The following PSD3 variants were observed in gnomAD, a reference collection of about 807,000 sequenced individuals.
PSD3 encodes PH and SEC7 domain-containing protein 3.
In PSD3, 49 loss-of-function variants were observed where a neutral mutation model predicts 105.5. That is an observed-to-expected ratio of 0.46 (90% CI 0.37 to 0.59). PSD3 has a LOEUF of 0.59. PSD3 is among the 20% of genes least tolerant of loss of function. PSD3 has a pLI of 0.00. For missense variants in PSD3, 1,561 were observed against 1,263.8 expected, an observed-to-expected ratio of 1.24 and a Z score of -3.57; for synonymous variants, 557 against 457.8, an observed-to-expected ratio of 1.22 and a Z score of -2.77.
rs1288897656 is a variant in PSD3 at position 18,534,885 on chromosome 8, T to A, written c.*858A>T. 6.6e-6 allele frequency: 1 copy of A among 152,596 alleles called. No individual in the cohort carries two copies. The highest frequency in any genetic ancestry group is 1.5e-5 in the Non-Finnish European group (1 of 68,046). The allele number at this position is 152,596 out of a possible 1,614,324, so 9.5% of individuals were successfully genotyped here. A position where few individuals can be genotyped will look rare whatever the true frequency, so the allele number is the denominator to read the frequency against. On this transcript the variant is annotated 3_prime_UTR_variant, in exon 16 of 16. Coordinates refer to ENST00000327040, the MANE Select transcript of PSD3 (RefSeq NM_015310.4). ...GATGGAAGGATATCAACGATAGAGATGATGGATTTCTAGTCTAGACCCTGT... is the reference window on the plus strand; with the variant it reads ...GATGGAAGGATATCAACGATAGAGAAGATGGATTTCTAGTCTAGACCCTGT...
At chr8:18,900,944 T>G (rs1029465646) in intron 2 of PSD3, among the ~76,000 whole-genome samples, 1 of 152,220 alleles carries the variant, frequency 6.6e-6, no homozygotes, top group African/African-American at 2.4e-5. Context: ...TATTATATAG[T>G]ACAGTATGTA....
chr8:18,988,380 T>A (rs1825617456), intron 1 of PSD3, among the ~76,000 whole-genome samples: 1 of 152,068 alleles, frequency 6.6e-6, no homozygotes, highest in South Asian at 2.1e-4. Context: ...CTGTAACAGA[T>A]GAAAATGAGA....
chr8:18,586,669 T>C (rs1803210299), intron 12 of PSD3, among the ~76,000 whole-genome samples: 1 of 152,162 alleles, frequency 6.6e-6, no homozygotes, highest in Non-Finnish European at 1.5e-5. Context: ...TTATGAATTC[T>C]TTCGAAGACC....
At chr8:18,889,232 C>T (rs1818630302) in intron 2 of PSD3, among the ~76,000 whole-genome samples, 1 of 152,122 alleles carries the variant, frequency 6.6e-6, no homozygotes, top group African/African-American at 2.4e-5. Flanking sequence ...CTTAGCAGTG[C>T]CATCTTCAAC....
intron 4 of PSD3, among the ~76,000 whole-genome samples, chr8:18,812,125 C>G (rs972952165): frequency 1.3e-5 from 2 of 152,162 alleles, no homozygotes; most frequent in African/African-American, 4.8e-5. Flanking sequence ...ATCACAACAA[C>G]TGGTGAAAAT....
chr8:18,612,694 A>T (rs1805358172), intron 11 of PSD3, among the ~76,000 whole-genome samples: 1 of 152,192 alleles, frequency 6.6e-6, no homozygotes, highest in Non-Finnish European at 1.5e-5. Flanking sequence ...TAACAGAAAC[A>T]CTTAGCACAT....
intron 9 of PSD3, among the ~76,000 whole-genome samples, chr8:18,661,512 T>C (rs1347506632): frequency 6.6e-6 from 1 of 152,204 alleles, no homozygotes; most frequent in African/African-American, 2.4e-5. Context: ...TTTGCAATGG[T>C]CTTCAACTTC....
At chr8:19,055,272 G>A (rs537284336) in intron 1 of PSD3, among the ~76,000 whole-genome samples, 1 of 150,880 alleles carries the variant, frequency 6.6e-6, no homozygotes, top group South Asian at 2.1e-4. Flanking sequence ...CTTTTTTTTT[G>A]GACAGAGTTT....
intron 8 of PSD3, among the ~76,000 whole-genome samples, chr8:18,768,791 G>C (rs1443685518): frequency 2.6e-5 from 4 of 151,892 alleles, no homozygotes; most frequent in Non-Finnish European, 5.9e-5. Context: ...CAATGACAGT[G>C]CTGACATTTT....
chr8:18,806,631 GC>G (rs1349410675), intron 4 of PSD3, among the ~76,000 whole-genome samples: 1 of 152,120 alleles, frequency 6.6e-6, no homozygotes, highest in African/African-American at 2.4e-5. Context: ...GCCACATATG[GC>G]CCCTGTCACA....
At chr8:18,904,365 C>T (rs1036323922) in intron 2 of PSD3, among the ~76,000 whole-genome samples, 2 of 152,188 alleles carry the variant, frequency 1.3e-5, no homozygotes, top group African/African-American at 4.8e-5. Context: ...GCAGGCATTG[C>T]ACTCCAACCC....
At chr8:18,748,457 G>A (rs1266795788) in intron 9 of PSD3, among the ~76,000 whole-genome samples, 2 of 151,900 alleles carry the variant, frequency 1.3e-5, no homozygotes, top group Non-Finnish European at 2.9e-5. Context: ...CCAGGAGATC[G>A]AGACTATCCT....
At chr8:18,594,000 G>T (rs1294198914) in intron 12 of PSD3, among the ~76,000 whole-genome samples, 3 of 142,154 alleles carry the variant, frequency 2.1e-5, no homozygotes, top group African/African-American at 8.0e-5. Flanking sequence ...GGGAGGGATA[G>T]CATTAAGAGA....
intron 12 of PSD3, among the ~76,000 whole-genome samples, chr8:18,579,918 G>A (rs1228889956): frequency 6.6e-6 from 1 of 152,130 alleles, no homozygotes; most frequent in Non-Finnish European, 1.5e-5. Flanking sequence ...GATTTCCACT[G>A]AGAGAATATA....
intron 1 of PSD3, among the ~76,000 whole-genome samples, chr8:18,988,104 T>C (rs1032136164): frequency 1.2e-4 from 15 of 122,730 alleles, no homozygotes; most frequent in Non-Finnish European, 2.8e-4. Flanking sequence ...AAAAAATAAA[T>C]AAATAAATAC....
chr8:18,577,416 T>C (rs1802527721), intron 12 of PSD3, among the ~76,000 whole-genome samples: 1 of 152,044 alleles, frequency 6.6e-6, no homozygotes, highest in Non-Finnish European at 1.5e-5. Flanking sequence ...ATTGACTCGG[T>C]TCCTCTGCCC....
chr8:18,650,751 T>C (rs1432877110), intron 10 of PSD3, among the ~76,000 whole-genome samples: 1 of 152,232 alleles, frequency 6.6e-6, no homozygotes, highest in Non-Finnish European at 1.5e-5. Context: ...GGAAAAACTC[T>C]AGTAATTCTA....
intron 9 of PSD3, among the ~76,000 whole-genome samples, chr8:18,672,749 C>G (rs747014018): frequency 2.0e-5 from 3 of 152,212 alleles, no homozygotes; most frequent in Non-Finnish European, 4.4e-5. Context: ...TAGACTAAAA[C>G]TGTGACAGCA....
intron 14 of PSD3, among the ~76,000 whole-genome samples, chr8:18,570,644 C>A (rs1802070340): frequency 1.4e-5 from 2 of 146,714 alleles, no homozygotes; most frequent in African/African-American, 5.0e-5. Flanking sequence ...CAAACAACCC[C>A]ATCAAAAAGT....
Sources: gnomAD v4.1 joint callset for allele counts (sites outside exome capture counted in the v4.1 genomes callset) on GRCh38, gnomAD v4.1.1 for gene constraint, MANE v1.5 for transcripts, NCBI Gene and HGNC (gene_info 2026-07-23, HGNC 2026-07-21) for gene names.